NKAIN2: variants seen among roughly 807,000 people sequenced by gnomAD.
The protein encoded by NKAIN2 is sodium/potassium transporting ATPase interacting 2, also known as sodium/potassium-transporting ATPase subunit beta-1-interacting protein 2.
In NKAIN2, 14 loss-of-function variants were observed where a neutral mutation model predicts 32.6. That is an observed-to-expected ratio of 0.43 (90% CI 0.28 to 0.67). The LOEUF (loss-of-function observed/expected upper bound fraction) is 0.67. NKAIN2 is among the 30% of genes least tolerant of loss of function. The pLI is 0.17. For missense variants in NKAIN2, 198 were observed against 258.3 expected (o/e 0.77, Z 1.60); for synonymous variants, 80 against 87.2 (o/e 0.92, Z 0.46).
At chr6:124,385,876 G>T (rs567499253) in intron 3 of NKAIN2, among the ~76,000 whole-genome samples, 193 of 151,664 alleles carry the variant, frequency 1.3e-3, no homozygotes, top group Middle Eastern at 6.8e-3. Context: ...AAAAGTTCAT[G>T]AAAAATAGAA....
intron 4 of NKAIN2, among the ~76,000 whole-genome samples, chr6:124,768,904 C>T (rs1322317474): frequency 2.0e-5 from 3 of 152,136 alleles, no homozygotes; most frequent in Non-Finnish European, 4.4e-5. Context: ...TATAGTGTCA[C>T]ATTTACAAAG....
At chr6:124,533,202 A>C (rs1779588826) in intron 3 of NKAIN2, among the ~76,000 whole-genome samples, 1 of 151,912 alleles carries the variant, frequency 6.6e-6, no homozygotes, top group Admixed American at 6.6e-5. Flanking sequence ...GGAGCCTCCT[A>C]CTCTGCCATA....
intron 1 of NKAIN2, among the ~76,000 whole-genome samples, chr6:123,941,225 C>T (rs1421003295): frequency 1.3e-5 from 2 of 151,584 alleles, no homozygotes; most frequent in South Asian, 2.1e-4. Context: ...GATAACATTT[C>T]GTTCCGGGAT....
intron 4 of NKAIN2, among the ~76,000 whole-genome samples, chr6:124,665,202 C>G (rs1676648808): frequency 6.6e-6 from 1 of 151,976 alleles, no homozygotes; most frequent in Non-Finnish European, 1.5e-5. Context: ...CCAGAATAAT[C>G]AAAACAATCT....
At position 124,183,135 on chromosome 6, in the gene NKAIN2, T is replaced by A. The variant is rs1163584559; in HGVS notation, c.55-99870T>A. Among the ~76,000 whole-genome samples, 11 of 152,168 alleles carry A rather than the reference T, an allele frequency of 7.2e-5. No individual in the cohort carries two copies. The East Asian group carries it at 2.1e-3, about 29-fold the overall frequency. ...TGTGTGAAAGTAGGAATATTCATAT[T>A]GCATTGGGGTTAAGCAATCAGAGAC... On this transcript the variant is annotated intron_variant, in intron 1 of 6. Coordinates refer to ENST00000368417, the MANE Select transcript of NKAIN2 (RefSeq NM_001040214.3).
At chr6:124,319,662 A>G (rs528573637) in intron 2 of NKAIN2, among the ~76,000 whole-genome samples, 1 of 152,220 alleles carries the variant, frequency 6.6e-6, no homozygotes, top group East Asian at 1.9e-4. Flanking sequence ...CTAAAATGTT[A>G]TTATACATGC....
chr6:123,816,600 A>G (rs6569363), intron 1 of NKAIN2, among the ~76,000 whole-genome samples: 47,781 of 152,022 alleles, frequency 0.31, 11,570 homozygotes, highest in African/African-American at 0.66. Context: ...GTGAGGGCTT[A>G]TGAGAGCTCT....
chr6:123,983,382 G>A (rs941387307), intron 1 of NKAIN2, among the ~76,000 whole-genome samples: 1 of 152,106 alleles, frequency 6.6e-6, no homozygotes. Flanking sequence ...TCTGATGAGG[G>A]ATTATTAGCA....
chr6:124,248,437 AATTT>A (rs1045872876), intron 1 of NKAIN2, among the ~76,000 whole-genome samples: 5 of 151,940 alleles, frequency 3.3e-5, no homozygotes, highest in South Asian at 2.1e-4. Flanking sequence ...CAAATAAACA[AATTT>A]ATTTATTTAT....
rs562480685 is a variant in NKAIN2 at position 124,281,884 on chromosome 6, T to C, written c.55-1121T>C. On this transcript the variant is annotated intron_variant, in intron 1 of 6. Transcript: ENST00000368417. ...AAGAAATATCATTAAAGCATAGTGA[T>C]GTTAGGAACTTAGGGATTTTAAAAT... 4.9e-4 allele frequency among the ~76,000 whole-genome samples: 75 copies of C among 152,344 alleles called. 1 individual carries two copies. In the South Asian group the frequency reaches 8.1e-3, roughly 16 times the overall value.
intron 3 of NKAIN2, among the ~76,000 whole-genome samples, chr6:124,497,866 T>A (rs1489827180): frequency 2.0e-5 from 3 of 147,772 alleles, no homozygotes; most frequent in Non-Finnish European, 3.0e-5. Flanking sequence ...TTTAAAGTGA[T>A]TCAAAATCTC....
chr6:124,665,533 T>C (rs1172666605), intron 4 of NKAIN2, among the ~76,000 whole-genome samples: 4 of 152,216 alleles, frequency 2.6e-5, no homozygotes, highest in Admixed American at 2.6e-4. Flanking sequence ...AGGAATTTCC[T>C]ATTCAGTTGT....
chr6:124,551,964 T>C (rs1054761488), intron 3 of NKAIN2, among the ~76,000 whole-genome samples: 1 of 152,196 alleles, frequency 6.6e-6, no homozygotes, highest in East Asian at 1.9e-4. Flanking sequence ...CAGTGGTTAA[T>C]GAAGTTGGTT....
intron 1 of NKAIN2, among the ~76,000 whole-genome samples, chr6:124,177,664 C>T (rs1789228401): frequency 6.6e-6 from 1 of 152,166 alleles, no homozygotes; most frequent in Admixed American, 6.5e-5. Flanking sequence ...AAATCCTAAC[C>T]TCCAAGGAGC....
In NKAIN2 at chr6:124,160,590, A is replaced by G. The variant is rs189486883; in HGVS notation, c.55-122415A>G. On this transcript the variant is annotated intron_variant, in intron 1 of 6. Coordinates refer to ENST00000368417, the MANE Select transcript of NKAIN2 (RefSeq NM_001040214.3). ...CAGCTACTAAAATGATCTAAATTTA[A>G]TTAAGTAAAACACTAATTTTTCATG... 2.7e-3 allele frequency among the ~76,000 whole-genome samples: 410 copies of G among 152,280 alleles called. 1 individual carries two copies. The highest frequency in any genetic ancestry group is 9.4e-3 in the African/African-American group (391 of 41,564).
intron 1 of NKAIN2, among the ~76,000 whole-genome samples, chr6:123,941,537 A>C (rs548644955): frequency 1.4e-4 from 22 of 151,994 alleles, no homozygotes; most frequent in African/African-American, 5.3e-4. Context: ...TAATCTTACG[A>C]GATCACCATC....
rs1259391448 is a variant in NKAIN2 at position 124,759,645 on chromosome 6, ACACACACACAC to A, written c.475-31692_475-31682del. ...CACACACACACACACACACACACAC[ACACACACACAC>A]CCCCTATCTCCCTTTCCTGCCTTAT... On this transcript the variant is annotated intron_variant, in intron 4 of 6. Transcript: ENST00000368417. 7.5e-4 allele frequency among the ~76,000 whole-genome samples: 64 copies of A among 85,354 alleles called. 1 individual carries two copies. The highest frequency in any genetic ancestry group is 2.2e-3 in the African/African-American group (51 of 23,484). 56.0% of individuals were successfully genotyped at this position (85,354 alleles called of 152,430 possible). A position where few individuals can be genotyped will look rare whatever the true frequency, so the allele number is the denominator to read the frequency against.
In NKAIN2 at chr6:124,201,889, A is replaced by T. The variant is rs370432740; in HGVS notation, c.55-81116A>T. ...AGAGAATAACTTCAAATAGGATAAG[A>T]TTTATTTTCTATATACCTATTTTCT... On this transcript the variant is annotated intron_variant, in intron 1 of 6. Transcript: ENST00000368417. Among the ~76,000 whole-genome samples, 25 of 152,086 alleles carry T rather than the reference A, an allele frequency of 1.6e-4. No individual in the cohort carries two copies. The East Asian group carries it at 1.9e-3, about 12-fold the overall frequency.
At chr6:124,026,218 T>C (rs1781106036) in intron 1 of NKAIN2, among the ~76,000 whole-genome samples, 1 of 152,308 alleles carries the variant, frequency 6.6e-6, no homozygotes, top group South Asian at 2.1e-4. Context: ...TAAAAATGAA[T>C]TTGCCATGCT....
Sources: allele counts gnomAD v4.1 joint callset (sites outside exome capture counted in the v4.1 genomes callset), GRCh38; gene constraint gnomAD v4.1.1; transcripts MANE v1.5; gene names NCBI Gene and HGNC (gene_info 2026-07-23, HGNC 2026-07-21).